The following DCLK1 variants were observed in gnomAD, a reference collection of about 807,000 sequenced individuals.
The protein encoded by DCLK1 is doublecortin like kinase 1.
Under a neutral mutation model 86.2 loss-of-function variants are expected in DCLK1, and 16 were observed. The ratio of observed to expected loss-of-function variants is 0.19; its 90% CI spans 0.13 to 0.28. DCLK1 has a LOEUF of 0.28. Among genes scored for constraint, DCLK1 ranks in the 10% least tolerant of loss-of-function variants. The pLI, the probability that DCLK1 is intolerant of heterozygous loss-of-function variation, is 1.00. For synonymous variants in DCLK1, 369 were observed against 370.5 expected, an observed-to-expected ratio of 1.00 and a Z score of 0.05; for missense variants, 590 against 940.2, an observed-to-expected ratio of 0.63 and a Z score of 4.87.
In DCLK1 at chr13:35,888,181, T is replaced by C. The variant is rs185807786; in HGVS notation, c.824-16841A>G. Among the ~76,000 whole-genome samples the C allele has an allele frequency of 7.2e-5, 11 of 152,294 alleles. No homozygotes were observed. In the East Asian group the frequency reaches 2.1e-3, roughly 29 times the overall value. ...CCTGTTTCTCATGTTCTCTAATTAC[T>C]TGACTTTCCTTTTAATGAGAAGTAT... On this transcript the variant is annotated intron_variant, in intron 4 of 16. Transcript: ENST00000360631.
At chr13:35,947,321 C>A (rs1242196386) in intron 4 of DCLK1, 37 bp downstream of exon 4, 1 of 1,582,550 alleles carries the variant, frequency 6.3e-7, no homozygotes, top group Admixed American at 1.7e-5. Context: ...AAAGCTGCCT[C>A]AAATTTCCCC....
At chr13:35,800,721 G>T (rs951928197) in intron 15 of DCLK1, among the ~76,000 whole-genome samples, 3 of 151,346 alleles carry the variant, frequency 2.0e-5, no homozygotes, top group Non-Finnish European at 4.4e-5. Context: ...CTTTCTTTTT[G>T]TTTGTTTGTT....
chr13:35,805,591 G>T, intron 15 of DCLK1, 108 bp downstream of exon 15: 1 of 1,124,392 alleles, frequency 8.9e-7, no homozygotes. Context: ...GAGACACTGC[G>T]CCTGGCCCAC....
intron 3 of DCLK1, among the ~76,000 whole-genome samples, chr13:35,988,195 C>T (rs1417534380): frequency 6.6e-6 from 1 of 152,260 alleles, no homozygotes; most frequent in African/African-American, 2.4e-5. Flanking sequence ...TCGGCCCCCG[C>T]CGCACCCACT....
chr13:35,818,416 G>C (rs1236962987), intron 11 of DCLK1, among the ~76,000 whole-genome samples: 2 of 152,190 alleles, frequency 1.3e-5, no homozygotes, highest in African/African-American at 4.8e-5. Context: ...TGAAAACAAG[G>C]ACCATGAGTT....
chr13:35,850,729 G>A (rs1340782737), intron 6 of DCLK1: 1 of 1,601,714 alleles, frequency 6.2e-7, no homozygotes, highest in East Asian at 2.3e-5. Context: ...TTTACACTGA[G>A]TCTCCTACTG....
At chr13:35,928,295 A>G (rs1319565270) in intron 4 of DCLK1, among the ~76,000 whole-genome samples, 1 of 152,138 alleles carries the variant, frequency 6.6e-6, no homozygotes, top group African/African-American at 2.4e-5. Flanking sequence ...AACTGCCCTC[A>G]GCACTGCGGC....
chr13:35,928,391 G>A lies in DCLK1; in HGVS notation c.823+18967C>T, dbSNP rs1043460971. On this transcript the variant is annotated intron_variant, in intron 4 of 16. Transcript: ENST00000360631. ...TCTGCACTAACTGCTCCCTCTGCCC[G>A]GGGATGATTCTTGCTTCTGGGTCCT... 3.9e-5 allele frequency among the ~76,000 whole-genome samples: 6 copies of A among 152,116 alleles called. No individual in the cohort carries two copies. The South Asian group carries it at 6.2e-4, about 16-fold the overall frequency.
At chr13:36,090,287 G>A (rs1437058937) in intron 3 of DCLK1, among the ~76,000 whole-genome samples, 1 of 152,190 alleles carries the variant, frequency 6.6e-6, no homozygotes, top group Non-Finnish European at 1.5e-5. Context: ...CGATAAGGAC[G>A]CACATCCTCT....
rs56345575 is a variant in DCLK1, at chr13:35,903,652, T to TACACAC, written c.824-32318_824-32313dup. On this transcript the variant is annotated intron_variant, in intron 4 of 16. Transcript: ENST00000360631. ...GCTAAAAAATGTTGAAGGCTATACA[T>TACACAC]ACACACACACACACACACGAATGTT... Among the ~76,000 whole-genome samples the TACACAC allele has an allele frequency of 8.3e-3, 1,245 of 150,258 alleles. 12 individuals are homozygous for TACACAC. Among genetic ancestry groups the TACACAC allele is most frequent in the East Asian group, 0.034 (175 of 5,108 alleles).
At chr13:36,131,885 C>A (rs1886371538), upstream of DCLK1, among the ~76,000 whole-genome samples, 1 of 152,238 alleles carries the variant, frequency 6.6e-6, no homozygotes, top group Non-Finnish European at 1.5e-5. Flanking sequence ...GATGACCAAC[C>A]CTCCCAAGCT....
At chr13:36,044,720 T>C (rs1334070502) in intron 3 of DCLK1, among the ~76,000 whole-genome samples, 1 of 152,120 alleles carries the variant, frequency 6.6e-6, no homozygotes, top group African/African-American at 2.4e-5. Context: ...AAATTCGTGA[T>C]ATGGATGCAG....
intron 3 of DCLK1, among the ~76,000 whole-genome samples, chr13:35,983,548 C>A (rs1879761392): frequency 6.6e-6 from 1 of 152,132 alleles, no homozygotes; most frequent in African/African-American, 2.4e-5. Context: ...TATTTGATAG[C>A]ACCACAGGGT....
At chr13:36,117,226 TCTTATTATAATAAGCATGG>T (rs1885822078) in intron 2 of DCLK1, among the ~76,000 whole-genome samples, 1 of 152,150 alleles carries the variant, frequency 6.6e-6, no homozygotes, top group African/African-American at 2.4e-5. Context: ...TTTACTTATT[TCTTATTATAATAAGCATGG>T]CTTATTATAA....
At position 36,020,177 on chromosome 13, in the gene DCLK1, T is replaced by G. The variant is rs534255385; in HGVS notation, c.724-72720A>C. On this transcript the variant is annotated intron_variant, in intron 3 of 16. Coordinates refer to ENST00000360631, the MANE Select transcript of DCLK1 (RefSeq NM_001330071.2). ...CTGGTGCCATGCTTCTTGTACAGCCTGCACAACTGTGAACCAAATAAACTT... is the reference window on the plus strand; with the variant it reads ...CTGGTGCCATGCTTCTTGTACAGCCGGCACAACTGTGAACCAAATAAACTT... Among the ~76,000 whole-genome samples the G allele has an allele frequency of 2.0e-4, 30 of 152,312 alleles. No homozygotes were observed. In the South Asian group the frequency reaches 6.2e-3, roughly 32 times the overall value.
chr13:35,890,260 T>C (rs901922098), intron 4 of DCLK1, among the ~76,000 whole-genome samples: 5 of 152,142 alleles, frequency 3.3e-5, no homozygotes, highest in African/African-American at 7.2e-5. Flanking sequence ...TCAGAGAATA[T>C]ATAAGCATTA....
intron 3 of DCLK1, among the ~76,000 whole-genome samples, chr13:36,080,991 C>T (rs7981265): frequency 0.093 from 14,191 of 152,090 alleles, 1,286 homozygotes; most frequent in African/African-American, 0.23. Context: ...CAGGCCCCAA[C>T]AGTACAGACT....
intron 3 of DCLK1, among the ~76,000 whole-genome samples, chr13:35,961,635 T>C (rs941183510): frequency 6.6e-6 from 1 of 152,178 alleles, no homozygotes; most frequent in Non-Finnish European, 1.5e-5. Context: ...ACCTGACAAG[T>C]AGATGATTGA....
intron 3 of DCLK1, among the ~76,000 whole-genome samples, chr13:36,075,746 G>T (rs1884179377): frequency 6.6e-6 from 1 of 152,204 alleles, no homozygotes; most frequent in South Asian, 2.1e-4. Flanking sequence ...ACCGGGCATG[G>T]TGGCTCACGC....
Sources: allele counts gnomAD v4.1 joint callset (sites outside exome capture counted in the v4.1 genomes callset), GRCh38; gene constraint gnomAD v4.1.1; transcripts MANE v1.5; gene names NCBI Gene and HGNC (gene_info 2026-07-23, HGNC 2026-07-21).